LRRK2: variants seen among roughly 807,000 people sequenced by gnomAD.
LRRK2 encodes leucine rich repeat kinase 2, also known as leucine-rich repeat serine/threonine-protein kinase 2.
A neutral mutation model predicts 302.6 loss-of-function variants in LRRK2; 203 were observed. That is an observed-to-expected ratio of 0.67 (90% CI 0.60 to 0.75). The LOEUF (loss-of-function observed/expected upper bound fraction) is 0.75, where lower values mean the gene tolerates loss of function less well. Among genes scored for constraint, LRRK2 ranks in the 30% least tolerant of loss-of-function variants. The pLI, the probability that LRRK2 is intolerant of heterozygous loss-of-function variation, is 0.00. For synonymous variants in LRRK2, 1,066 were observed against 1,031.9 expected (o/e 1.03, Z -0.63); for missense variants, 2,830 against 2,951.0 (o/e 0.96, Z 0.95).
chr12:40,287,139 A>G lies in LRRK2; in HGVS notation c.2501-212A>G, dbSNP rs4318033. Among the ~76,000 whole-genome samples the G allele has an allele frequency of 0.094, 14,272 of 152,022 alleles. 818 individuals carry two copies. The highest frequency in any genetic ancestry group is 0.15 in the Admixed American group (2,293 of 15,220). ...ATAGAGATTCAGTTTTGCTGTCTAC[A>G]TGAAAGCATTGTGTACATGGTTATG... On this transcript the variant is annotated intron_variant, in intron 19 of 50. Coordinates refer to ENST00000298910, the MANE Select transcript of LRRK2 (RefSeq NM_198578.4).
intron 16 of LRRK2, among the ~76,000 whole-genome samples, chr12:40,276,283 T>C (rs1943446630): frequency 6.6e-6 from 1 of 152,148 alleles, no homozygotes; most frequent in African/African-American, 2.4e-5. Context: ...CATATTTTAT[T>C]TGTCCAGTTC....
chr12:40,272,733 A>C (rs1029503497), intron 14 of LRRK2, among the ~76,000 whole-genome samples: 9 of 152,154 alleles, frequency 5.9e-5, no homozygotes, highest in Non-Finnish European at 1.0e-4. Context: ...GTACGATGTC[A>C]TGGAAATTAA....
intron 39 of LRRK2, 89 bp from the exon 40 acceptor site, chr12:40,334,878 T>C (rs971972904): frequency 1.2e-5 from 16 of 1,385,036 alleles, no homozygotes; most frequent in African/African-American, 8.5e-5. Flanking sequence ...GAGAAATCCA[T>C]GTTCAGCCTG....
rs1401586254 is a variant in LRRK2 at position 40,277,943 on chromosome 12, T to C, written c.1997T>C (p.Leu666Pro). ...LKLSASFSKL[L>P]VHHSFDLVIF... The stretch of plus-strand genomic sequence containing the variant: ...TTGTCAGCATCTTTTTCTAAGCTGC[T>C]GGTGCATCATTCATTTGACTTAGTA... Residue 666 changes from leucine to proline, a missense_variant, in exon 17 of 51, where the codon CTG (leucine) becomes CCG (proline). Physicochemically the swap from Leu to Pro is moderately conservative, Grantham distance 98. Transcript: ENST00000298910. 5 of 1,613,106 alleles carry C rather than the reference T, an allele frequency of 3.1e-6. No homozygotes were observed. The highest frequency in any genetic ancestry group is 4.2e-6 in the Non-Finnish European group (5 of 1,179,870).
At chr12:40,274,116 G>A (rs1943348974) in intron 14 of LRRK2, among the ~76,000 whole-genome samples, 1 of 152,142 alleles carries the variant, frequency 6.6e-6, no homozygotes, top group Admixed American at 6.6e-5. Context: ...CGCATGCAAA[G>A]CACTTGCAGT....
intron 16 of LRRK2, among the ~76,000 whole-genome samples, chr12:40,275,871 C>A (rs1362929488): frequency 6.6e-6 from 1 of 152,066 alleles, no homozygotes; most frequent in Non-Finnish European, 1.5e-5. Context: ...CTCAGCCTCC[C>A]AAAGTGCTGG....
intron 47 of LRRK2, among the ~76,000 whole-genome samples, chr12:40,360,231 A>G (rs1442908334): frequency 6.6e-6 from 1 of 152,146 alleles, no homozygotes; most frequent in African/African-American, 2.4e-5. Flanking sequence ...ATGTTAATAT[A>G]TGGATCTTAA....
intron 11 of LRRK2, among the ~76,000 whole-genome samples, chr12:40,256,279 T>C (rs1361930524): frequency 6.6e-6 from 1 of 152,120 alleles, no homozygotes; most frequent in African/African-American, 2.4e-5. Context: ...AGATCCCCTC[T>C]CTACAAAATA....
Position 40,335,080 on chromosome 12 carries a change from C to T in LRRK2, c.5871C>T (p.Arg1957=). The T allele has an allele frequency of 6.2e-7, 1 of 1,614,064 alleles. No homozygotes were observed. Among genetic ancestry groups the T allele is most frequent in the Non-Finnish European group, 8.5e-7 (1 of 1,179,990 alleles). Residue 1957 remains arginine (R), a synonymous_variant, in exon 40 of 51, where the codon CGC becomes CGT. Transcript: ENST00000298910. The part of the protein sequence containing the change: ...MELASKGSLD[R]LLQQDKASLT... ...TAGCCTCCAAGGGTTCCTTGGATCG[C>T]CTGCTTCAGCAGGACAAAGCCAGCC...
At chr12:40,340,951 G>T (rs1040938811) in intron 41 of LRRK2, among the ~76,000 whole-genome samples, 4 of 152,160 alleles carry the variant, frequency 2.6e-5, no homozygotes, top group Non-Finnish European at 5.9e-5. Flanking sequence ...CTCATGCTCA[G>T]TGTGAATATG....
At chr12:40,342,479 C>CTTTT (rs3065921) in intron 41 of LRRK2, among the ~76,000 whole-genome samples, 4 of 142,572 alleles carry the variant, frequency 2.8e-5, no homozygotes, top group Non-Finnish European at 6.0e-5. Flanking sequence ...ACTTTGTAAG[C>CTTTT]TTTTTTTTTT....
chr12:40,238,427 TA>T, intron 5 of LRRK2, among the ~76,000 whole-genome samples: 1 of 152,320 alleles, frequency 6.6e-6, no homozygotes, highest in South Asian at 2.1e-4. Flanking sequence ...AAGCATAGGT[TA>T]CACTGGGATT....
rs763621905 is a variant in LRRK2, at chr12:40,295,539, T to C, written c.2991T>C (p.Ile997=). The change falls in exon 23 of 51, where the codon ATT becomes ATC. Residue 997 remains isoleucine (I), a synonymous_variant. Coordinates refer to ENST00000298910, the MANE Select transcript of LRRK2 (RefSeq NM_198578.4). ...LDLSANELRD[I]DALSQKCCIS... ...TTTCAGCAAATGAACTAAGAGATAT[T>C]GATGCCCTAAGCCAGAAATGCTGTA... is the stretch of plus-strand genomic sequence containing the variant. The C allele has an allele frequency of 6.2e-7, 1 of 1,613,928 alleles. No individual in the cohort carries two copies. The highest frequency in any genetic ancestry group is 8.5e-7 in the Non-Finnish European group (1 of 1,180,020).
chr12:40,351,765 A>G (rs759161163), intron 44 of LRRK2, 32 bp downstream of exon 44: 3 of 1,600,694 alleles, frequency 1.9e-6, no homozygotes, highest in Admixed American at 1.7e-5. Context: ...ATCTTTCATA[A>G]TTTAAAGCAT....
At position 40,263,759 on chromosome 12, in the gene LRRK2, C is replaced by A. The variant is rs749379798; in HGVS notation, c.1544-30C>A. The stretch of plus-strand genomic sequence containing the variant: ...CAACTCAAATGTTTATAAGAAAATT[C>A]TTTCTTTATTTATTTATCTGTGCAT... On this transcript the variant is annotated intron_variant, in intron 13 of 50. Transcript: ENST00000298910. 57 of 1,480,056 alleles carry A rather than the reference C, an allele frequency of 3.9e-5. 1 individual carries two copies. Among genetic ancestry groups the A allele is most frequent in the South Asian group, 2.6e-4 (23 of 87,240 alleles). The allele number at this position is 1,480,056 out of a possible 1,614,324, so 91.7% of individuals were successfully genotyped here.
chr12:40,344,331 A>G (rs1565767283), intron 41 of LRRK2, among the ~76,000 whole-genome samples: 1 of 152,202 alleles, frequency 6.6e-6, no homozygotes, highest in Non-Finnish European at 1.5e-5. Context: ...GATATAATAG[A>G]TACCTAATAA....
Position 40,277,984 on chromosome 12 carries a change from T to A in LRRK2, c.2038T>A (p.Ser680Thr), listed in dbSNP as rs148395944. ...SFDLVIFHQM[S>T]SNIMEQKDQQ... is the part of the protein sequence containing the mutation. ...TGACTTAGTAATATTCCATCAAATG[T>A]CTTCCAATATCATGGAACAAAAGGA... Residue 680 changes from serine (S) to threonine (T), a missense_variant, in exon 17 of 51, where the codon TCT becomes ACT. Around this residue, in one of 3 missense-constraint regions of LRRK2, gnomAD observed 2,121 missense variants for 2,148.0 expected, o/e 0.99. Transcript: ENST00000298910. The A allele has an allele frequency of 6.2e-7, 1 of 1,613,700 alleles. No individual in the cohort carries two copies. Among genetic ancestry groups the A allele is most frequent in the Non-Finnish European group, 8.5e-7 (1 of 1,179,936 alleles).
At chr12:40,272,086 G>A (rs1943252801) in intron 14 of LRRK2, among the ~76,000 whole-genome samples, 1 of 152,116 alleles carries the variant, frequency 6.6e-6, no homozygotes, top group South Asian at 2.1e-4. Context: ...GTATAAAATG[G>A]AAATGCACAC....
chr12:40,318,464 A>G (rs187487630), intron 33 of LRRK2, among the ~76,000 whole-genome samples: 202 of 152,234 alleles, frequency 1.3e-3, no homozygotes, highest in African/African-American at 4.6e-3. Context: ...AGCTCATGTA[A>G]TTCTCACAGC....
Sources: gnomAD v4.1 joint callset for allele counts (sites outside exome capture counted in the v4.1 genomes callset) on GRCh38, gnomAD v4.1.1 for gene constraint, gnomAD v4.1.1 regional missense constraint, MANE v1.5 for transcripts, NCBI Gene and HGNC (gene_info 2026-07-23, HGNC 2026-07-21) for gene names.